The following PSEN2 variants were observed in gnomAD, a reference collection of about 807,000 sequenced individuals.
PSEN2 encodes the protein presenilin 2.
PSEN2 carries 32 observed loss-of-function variants against 49.1 expected under a neutral mutation model. The observed-to-expected ratio is 0.65, with a 90% CI of 0.49 to 0.88. The LOEUF (loss-of-function observed/expected upper bound fraction) is 0.88. Among genes scored for constraint, PSEN2 ranks in the 40% least tolerant of loss-of-function variants. The pLI, the probability that PSEN2 is intolerant of heterozygous loss-of-function variation, is 0.00. For synonymous variants in PSEN2, 255 were observed against 244.0 expected, an observed-to-expected ratio of 1.05 and a Z score of -0.42; for missense variants, 522 against 586.9, an observed-to-expected ratio of 0.89 and a Z score of 1.14.
chr1:226,881,822 C>G (rs1416320066), intron 3 of PSEN2, 66 bp from the exon 4 acceptor site: 9 of 1,602,336 alleles, frequency 5.6e-6, no homozygotes, highest in African/African-American at 1.3e-5. Context: ...CCAGCCACCC[C>G]CTGAGTCCTC....
At chr1:226,880,513 G>A (rs1311426231) in intron 3 of PSEN2, 4 of 1,521,350 alleles carry the variant, frequency 2.6e-6, no homozygotes, top group Non-Finnish European at 3.5e-6. Flanking sequence ...CGATCACTCA[G>A]CCTCTGGACA....
chr1:226,880,468 G>A (rs1426299401), intron 3 of PSEN2: 1 of 1,440,532 alleles, frequency 6.9e-7, no homozygotes, highest in African/African-American at 1.4e-5. Flanking sequence ...TCCCTGCCCA[G>A]GGTGTGAAGC....
At chr1:226,875,227 A>G (rs1660559073) in intron 2 of PSEN2, 138 bp from the exon 3 acceptor site, 1 of 152,236 alleles carries the variant, frequency 6.6e-6, no homozygotes, top group African/African-American at 2.4e-5. Flanking sequence ...ATGTGTTACT[A>G]TATGAGCTGA....
At chr1:226,889,323 C>G (rs2102685431) in intron 8 of PSEN2, among the ~76,000 whole-genome samples, 1 of 152,134 alleles carries the variant, frequency 6.6e-6, no homozygotes, top group Non-Finnish European at 1.5e-5. Flanking sequence ...GTCGCCCAGG[C>G]TGGAGTGTAG....
intron 9 of PSEN2, 175 bp from the exon 10 acceptor site, chr1:226,891,103 G>A (rs1661708784): frequency 9.5e-6 from 6 of 634,910 alleles, no homozygotes; most frequent in South Asian, 9.1e-5. Flanking sequence ...ATGCAAGAGA[G>A]AGTGACTCTG....
intron 7 of PSEN2, 120 bp downstream of exon 7, chr1:226,888,278 C>T: frequency 1.0e-6 from 1 of 975,208 alleles, no homozygotes; most frequent in South Asian, 1.3e-5. Context: ...TCCCCAGTGC[C>T]AGCCGTTTTG....
intron 3 of PSEN2, among the ~76,000 whole-genome samples, chr1:226,880,908 G>A (rs1453050445): frequency 6.6e-6 from 1 of 152,144 alleles, no homozygotes; most frequent in African/African-American, 2.4e-5. Flanking sequence ...CAGGAGACCT[G>A]GTCCTCAGAC....
Position 226,885,739 on chromosome 1 carries a change from G to A in PSEN2, c.498+60G>A. 4 of 1,595,194 alleles carry A rather than the reference G, an allele frequency of 2.5e-6. No homozygotes were observed. The South Asian group carries it at 4.4e-5, about 18-fold the overall frequency. Reference sequence around the variant, plus strand: ...TCTCCGTCTGCCCCACACCATGGCGGCAGGGCCCGTGAAACAGCCGCCTTT... The same window carrying A: ...TCTCCGTCTGCCCCACACCATGGCGACAGGGCCCGTGAAACAGCCGCCTTT... On this transcript the variant is annotated intron_variant, in intron 6 of 12. Coordinates refer to ENST00000366783, the MANE Select transcript of PSEN2 (RefSeq NM_000447.3).
At chr1:226,894,709 TAGA>T (rs1662008555) in intron 12 of PSEN2, among the ~76,000 whole-genome samples, 2 of 152,194 alleles carry the variant, frequency 1.3e-5, no homozygotes, top group African/African-American at 2.4e-5. Flanking sequence ...GCTGTCACGT[TAGA>T]GGAGGAGGAG....
intron 5 of PSEN2, 96 bp from the exon 6 acceptor site, chr1:226,885,442 C>A: frequency 6.9e-7 from 1 of 1,446,314 alleles, no homozygotes; most frequent in South Asian, 1.3e-5. Context: ...ATGGGCATCC[C>A]AGGCACCTCC....
Position 226,885,771 on chromosome 1 carries a change from A to G in PSEN2, c.498+92A>G, listed in dbSNP as rs1182433430. The G allele has an allele frequency of 2.2e-5, 34 of 1,532,894 alleles. No individual in the cohort carries two copies. The East Asian group carries it at 7.5e-4, about 34-fold the overall frequency. 95.0% of individuals were successfully genotyped at this position (1,532,894 alleles called of 1,614,324 possible). ...CCGTGAAACAGCCGCCTTTAGAAAA[A>G]CACAAATTAGAGGAAAATAGACCCA... On this transcript the variant is annotated intron_variant, in intron 6 of 12. Coordinates refer to ENST00000366783, the MANE Select transcript of PSEN2 (RefSeq NM_000447.3).
intron 5 of PSEN2, 121 bp from the exon 6 acceptor site, chr1:226,885,417 C>T: frequency 8.9e-7 from 1 of 1,121,332 alleles, no homozygotes; most frequent in Non-Finnish European, 1.3e-6. Context: ...TCCATCAGGG[C>T]AGCATGTGGG....
chr1:226,879,782 C>T (rs1329853215), intron 3 of PSEN2, among the ~76,000 whole-genome samples: 2 of 152,210 alleles, frequency 1.3e-5, no homozygotes, highest in Non-Finnish European at 2.9e-5. Context: ...TTGTCACTAC[C>T]CTCCTGGCTT....
chr1:226,878,930 G>A (rs539352597), intron 3 of PSEN2, among the ~76,000 whole-genome samples: 9 of 152,292 alleles, frequency 5.9e-5, no homozygotes, highest in Non-Finnish European at 1.0e-4. Flanking sequence ...TTGCCAGAGT[G>A]GATAGTGAGG....
At position 226,895,971 on chromosome 1, in the gene PSEN2, A is replaced by G. The variant is rs201510179; in HGVS notation, c.*392A>G. ...CAGTTCCCTACGAGGAGTGTTCCCA[A>G]TGCTTTGTCCATGATGTCCTTGTTA... On this transcript the variant is annotated 3_prime_UTR_variant, in exon 13 of 13. Transcript: ENST00000366783. 9.3e-6 allele frequency: 3 copies of G among 322,376 alleles called. No individual in the cohort carries two copies. The highest frequency in any genetic ancestry group is 3.3e-5 in the South Asian group (1 of 30,328). The allele number at this position is 322,376 out of a possible 1,614,324, so 20.0% of individuals were successfully genotyped here.
intron 3 of PSEN2, among the ~76,000 whole-genome samples, chr1:226,879,746 G>T (rs1004109158): frequency 1.3e-5 from 2 of 152,202 alleles, no homozygotes; most frequent in Non-Finnish European, 2.9e-5. Context: ...GATAGACTGT[G>T]TCCCCTCCTG....
intron 7 of PSEN2, among the ~76,000 whole-genome samples, chr1:226,888,439 A>G (rs548590028): frequency 7.3e-5 from 11 of 151,144 alleles, no homozygotes; most frequent in Non-Finnish European, 1.3e-4. Context: ...GGGGATAGAA[A>G]CCCCCCAAAA....
chr1:226,894,238 C>T lies in PSEN2; in HGVS notation c.1191+113C>T, dbSNP rs560015017. 17 of 749,848 alleles carry T rather than the reference C, an allele frequency of 2.3e-5. No homozygotes were observed. The South Asian group carries it at 2.8e-4, about 13-fold the overall frequency. 46.4% of individuals were successfully genotyped at this position (749,848 alleles called of 1,614,324 possible). On this transcript the variant is annotated intron_variant, in intron 12 of 12. Transcript: ENST00000366783. ...GGATTTTTCATTTCTTCTCTTCCCT[C>T]TGAGGGACAAGAGCAGGGAGCGGGG... is the stretch of plus-strand genomic sequence containing the variant.
At chr1:226,895,272 C>T (rs914581186) in intron 12 of PSEN2, 152 bp from the exon 13 acceptor site, 4 of 836,634 alleles carry the variant, frequency 4.8e-6, no homozygotes, top group Non-Finnish European at 7.8e-6. Context: ...ACCTCAAGAG[C>T]TGTTGCAGGA....
Sources: allele counts gnomAD v4.1 joint callset (sites outside exome capture counted in the v4.1 genomes callset), GRCh38; gene constraint gnomAD v4.1.1; transcripts MANE v1.5; gene names NCBI Gene and HGNC (gene_info 2026-07-23, HGNC 2026-07-21).